The following ATR variants were observed in gnomAD, a reference collection of about 807,000 sequenced individuals.
The protein encoded by ATR is ATR checkpoint kinase, also known as serine/threonine-protein kinase ATR.
Under a neutral mutation model 305.3 loss-of-function variants are expected in ATR, and 142 were observed. That is an observed-to-expected ratio of 0.47 (90% confidence interval 0.41 to 0.53). The LOEUF is 0.53. ATR is among the 20% of genes least tolerant of loss of function. The pLI is 0.00. For synonymous variants in ATR, 1,050 were observed against 1,068.1 expected (o/e 0.98, Z 0.33); for missense variants, 2,135 against 3,133.1 (o/e 0.68, Z 7.60).
Position 142,466,336 on chromosome 3 carries a change from C to T in ATR, c.6885G>A (p.Gly2295=). The change falls in exon 40 of 47, where the codon GGG becomes GGA. Residue 2295 remains glycine, a synonymous_variant. Transcript: ENST00000350721. ...PFPGHWAYIA[G]FDDMVEILAS... is the part of the protein sequence containing the mutation. Reference sequence around the variant, plus strand: ...AACTGAAGTTTACCATATCATCAAACCCTGCAATATAGGCCCAATGTCCAG... The same window carrying T: ...AACTGAAGTTTACCATATCATCAAATCCTGCAATATAGGCCCAATGTCCAG... The T allele has an allele frequency of 6.2e-7, 1 of 1,613,568 alleles. No homozygotes were observed.
chr3:142,570,230 C>T (rs540329015), intron 1 of ATR, among the ~76,000 whole-genome samples: 1 of 152,252 alleles, frequency 6.6e-6, no homozygotes, highest in Non-Finnish European at 1.5e-5. Context: ...GTTGCCTTTT[C>T]ACTCTATTGA....
At position 142,462,034 on chromosome 3, in the gene ATR, T is replaced by C. The variant is rs1164527620; in HGVS notation, c.7098A>G (p.Ala2366=). ...CACATTCATCATTTAGTGGAATAACTGCATATGTTCGAATATGAAGTTCTC... is the reference window on the plus strand; with the variant it reads ...CACATTCATCATTTAGTGGAATAACCGCATATGTTCGAATATGAAGTTCTC... The part of the protein sequence containing the change: ...RRRELHIRTY[A]VIPLNDECGI... The change falls in exon 42 of 47, where the codon GCA becomes GCG. Residue 2366 remains alanine (A), a synonymous_variant. Transcript: ENST00000350721. The C allele has an allele frequency of 1.9e-6, 3 of 1,613,390 alleles. No homozygotes were observed. In the South Asian group the frequency reaches 3.3e-5, roughly 18 times the overall value.
chr3:142,550,198 C>T lies in ATR; in HGVS notation c.2910G>A (p.Met970Ile). ...RKQDVAHQRE[M>I]ALNTLSEIAN... ...CAATTTCAGACAACGTATTTAAAGCCATTTCTCTCTGGTGAGCCACATCTT... is the reference window on the plus strand; with the variant it reads ...CAATTTCAGACAACGTATTTAAAGCTATTTCTCTCTGGTGAGCCACATCTT... Residue 970 changes from methionine (M) to isoleucine (I), a missense_variant, in exon 14 of 47, where the codon ATG becomes ATA. Coordinates refer to ENST00000350721, the MANE Select transcript of ATR (RefSeq NM_001184.4). 2 of 1,614,098 alleles carry T rather than the reference C, an allele frequency of 1.2e-6. No individual in the cohort carries two copies. The highest frequency in any genetic ancestry group is 1.7e-6 in the Non-Finnish European group (2 of 1,180,006).
At position 142,560,281 on chromosome 3, in the gene ATR, G is replaced by C. The variant is rs2108482514; in HGVS notation, c.1523C>G (p.Ser508Cys). 6.2e-7 allele frequency: 1 copy of C among 1,613,772 alleles called. No homozygotes were observed. ...GTTTTACCAGTTCATGTTTTGATGA[G>C]AACAATGAACAGTACACAGAGCAGT... ...QLTALCTVHC[S>C]HQNMNCRTFK... The change falls in exon 6 of 47, where the codon TCT becomes TGT. Residue 508 changes from serine (S) to cysteine (C), a missense_variant. By Grantham distance (112) the Ser-to-Cys change is moderately radical. Around this residue, in one of 9 missense-constraint regions of ATR, gnomAD observed 744 missense variants for 873.2 expected, o/e 0.85. Coordinates refer to ENST00000350721, the MANE Select transcript of ATR (RefSeq NM_001184.4).
intron 35 of ATR, among the ~76,000 whole-genome samples, chr3:142,488,674 C>G (rs2031098160): frequency 6.6e-6 from 1 of 152,064 alleles, no homozygotes; most frequent in African/African-American, 2.4e-5. Context: ...TGGAAATTCC[C>G]TATACTACTA....
In ATR at chr3:142,512,272, C is replaced by T. The variant is rs1256858998; in HGVS notation, c.4840G>A (p.Val1614Ile). 6.2e-7 allele frequency: 1 copy of T among 1,606,244 alleles called. No homozygotes were observed. The highest frequency in any genetic ancestry group is 1.7e-5 in the Admixed American group (1 of 59,696). Residue 1614 changes from valine (V) to isoleucine (I), a missense_variant, in exon 27 of 47, where the codon GTA (valine) becomes ATA (isoleucine). By Grantham distance (29) the Val-to-Ile change is conservative. Around this residue, in one of 9 missense-constraint regions of ATR, gnomAD observed 202 missense variants for 252.9 expected, o/e 0.80. Transcript: ENST00000350721. The part of the protein sequence containing the change: ...CPHSKSNRNK[V>I]DSMVSTVDYE... ...AGTGATAACTCACCCATTGAGTCTA[C>T]CTTATTTCTGTTTGATTTGCTGTGT...
intron 25 of ATR, 45 bp from the exon 26 acceptor site, chr3:142,513,683 G>C: frequency 6.3e-7 from 1 of 1,585,228 alleles, no homozygotes; most frequent in African/African-American, 1.3e-5. Flanking sequence ...TTCACATATT[G>C]ATTAAATGTC....
At position 142,524,455 on chromosome 3, in the gene ATR, A is replaced by G. The variant is rs7614496; in HGVS notation, c.3946-256T>C. Among the ~76,000 whole-genome samples, 1,902 of 152,294 alleles carry G rather than the reference A, an allele frequency of 0.012. 45 individuals carry two copies. The highest frequency in any genetic ancestry group is 0.043 in the African/African-American group (1,768 of 41,570). Reference sequence around the variant, plus strand: ...TCCATTAAACAAGCAGTTACTGTGCATTTTATCAATATACAAAAAATCAGT... The same window carrying G: ...TCCATTAAACAAGCAGTTACTGTGCGTTTTATCAATATACAAAAAATCAGT... On this transcript the variant is annotated intron_variant, in intron 21 of 46. Coordinates refer to ENST00000350721, the MANE Select transcript of ATR (RefSeq NM_001184.4).
At chr3:142,499,598 A>T in intron 31 of ATR, 29 bp downstream of exon 31, 2 of 1,607,526 alleles carry the variant, frequency 1.2e-6, no homozygotes, top group Non-Finnish European at 1.7e-6. Flanking sequence ...CCATCCTAAA[A>T]CTGCTTATAT....
chr3:142,505,335 CA>C (rs756033907), intron 28 of ATR, 32 bp from the exon 29 acceptor site: 125 of 1,607,854 alleles, frequency 7.8e-5, no homozygotes, highest in Non-Finnish European at 1.0e-4. Flanking sequence ...CAATCAAAAA[CA>C]AGAAAAAAAC....
At chr3:142,480,195 G>A (rs920482122) in intron 36 of ATR, among the ~76,000 whole-genome samples, 2 of 152,264 alleles carry the variant, frequency 1.3e-5, no homozygotes, top group East Asian at 3.9e-4. Context: ...TTTCTGTTCT[G>A]TTTTTTCCCC....
intron 28 of ATR, 113 bp from the exon 29 acceptor site, chr3:142,505,416 C>A: frequency 7.6e-7 from 1 of 1,312,774 alleles, no homozygotes. Context: ...AATTTTTCCT[C>A]AAAGTAATAG....
chr3:142,490,908 A>G (rs758645219), intron 35 of ATR, among the ~76,000 whole-genome samples: 1 of 152,088 alleles, frequency 6.6e-6, no homozygotes, highest in Non-Finnish European at 1.5e-5. Flanking sequence ...TAACTTTCCT[A>G]TATTTTTTTC....
intron 36 of ATR, among the ~76,000 whole-genome samples, chr3:142,480,391 G>T (rs961633986): frequency 1.3e-5 from 2 of 152,352 alleles, no homozygotes; most frequent in South Asian, 4.1e-4. Flanking sequence ...AGCGGAGGCT[G>T]CAGAACAGCA....
chr3:142,498,907 G>C, intron 31 of ATR, 133 bp from the exon 32 acceptor site: 2 of 856,240 alleles, frequency 2.3e-6, no homozygotes, highest in Non-Finnish European at 3.7e-6. Flanking sequence ...TTGAGACAGA[G>C]TCTCACTCTG....
At chr3:142,516,685 C>T (rs1172699859) in intron 24 of ATR, among the ~76,000 whole-genome samples, 1 of 151,954 alleles carries the variant, frequency 6.6e-6, no homozygotes, top group Non-Finnish European at 1.5e-5. Context: ...TTATCTTTCC[C>T]TATTGCAAAA....
intron 24 of ATR, 60 bp from the exon 25 acceptor site, chr3:142,515,575 A>G: frequency 6.7e-7 from 1 of 1,502,592 alleles, no homozygotes; most frequent in Non-Finnish European, 9.1e-7. Context: ...AATTTTAGTA[A>G]ATTACAGCAA....
chr3:142,464,986 T>A lies in ATR; in HGVS notation c.7041+111A>T, dbSNP rs138042303. 5.1e-4 allele frequency: 312 copies of A among 613,484 alleles called. No individual in the cohort carries two copies. The African/African-American group carries it at 5.5e-3, about 11-fold the overall frequency. 38.0% of individuals were successfully genotyped at this position (613,484 alleles called of 1,614,324 possible). ...GTATACTAAAATGCCTATATCAGAT[T>A]GATAGTAATTATAGCAACTCTGAAA... On this transcript the variant is annotated intron_variant, in intron 41 of 46. Transcript: ENST00000350721.
chr3:142,490,323 C>T (rs886509868), intron 35 of ATR, among the ~76,000 whole-genome samples: 5 of 152,124 alleles, frequency 3.3e-5, no homozygotes, highest in African/African-American at 9.7e-5. Context: ...CCCAAAGCAC[C>T]GGGATTACAG....
Sources: allele counts gnomAD v4.1 joint callset (sites outside exome capture counted in the v4.1 genomes callset), GRCh38; gene constraint gnomAD v4.1.1; regional missense constraint gnomAD v4.1.1; transcripts MANE v1.5; gene names NCBI Gene and HGNC (gene_info 2026-07-23, HGNC 2026-07-21).